NEK10: variants seen among roughly 807,000 people sequenced by gnomAD.
NEK10 encodes the protein serine/threonine-protein kinase Nek10.
In NEK10, 122 loss-of-function variants were observed where a neutral mutation model predicts 159.8. That is an observed-to-expected ratio of 0.76 (90% confidence interval 0.66 to 0.89). NEK10 has a LOEUF of 0.89. Ranked by LOEUF, NEK10 falls within the 40% of genes least tolerant of loss-of-function variation. NEK10 has a pLI of 0.00. For synonymous variants in NEK10, 466 were observed against 457.1 expected (o/e 1.02, Z -0.25); for missense variants, 1,342 against 1,323.1 (o/e 1.01, Z -0.22).
intron 23 of NEK10, chr3:27,215,765 T>A: frequency 1.4e-6 from 1 of 715,094 alleles, no homozygotes; most frequent in Non-Finnish European, 2.6e-6. Context: ...CATGATGGCA[T>A]TTGCTTCTTG....
chr3:27,109,191 C>T lies in NEK10; in HGVS notation c.*2081G>A, dbSNP rs960226487. ...GTCAGGAGTTTGAGACCAGCCTGGC[C>T]AACATGGTGTAACCCCATCTCTACT... On this transcript the variant is annotated 3_prime_UTR_variant, in exon 36 of 36. Coordinates refer to ENST00000691995, the MANE Select transcript of NEK10 (RefSeq NM_001394966.1). 1.4e-4 allele frequency among the ~76,000 whole-genome samples: 22 copies of T among 152,020 alleles called. No individual in the cohort carries two copies. Among genetic ancestry groups the T allele is most frequent in the Non-Finnish European group, 2.9e-4 (20 of 67,982 alleles).
chr3:27,302,095 T>A (rs1162451779), intron 12 of NEK10, among the ~76,000 whole-genome samples: 1 of 152,194 alleles, frequency 6.6e-6, no homozygotes, highest in Non-Finnish European at 1.5e-5. Context: ...TTTTGAATTT[T>A]CTATTTTCCT....
intron 6 of NEK10, among the ~76,000 whole-genome samples, chr3:27,321,542 A>G (rs479302): frequency 0.38 from 57,860 of 152,024 alleles, 13,494 homozygotes; most frequent in African/African-American, 0.67. Context: ...ACATGGTGGC[A>G]CGTGCCTGTA....
chr3:27,256,397 T>A (rs773026383), intron 22 of NEK10, 26 bp from the exon 23 acceptor site: 2 of 1,451,284 alleles, frequency 1.4e-6, no homozygotes, highest in African/African-American at 2.9e-5. Flanking sequence ...CAACGCAATA[T>A]GTTACTATAT....
At chr3:27,133,301 G>A (rs1183326406) in intron 31 of NEK10, among the ~76,000 whole-genome samples, 1 of 152,162 alleles carries the variant, frequency 6.6e-6, no homozygotes, top group East Asian at 1.9e-4. Flanking sequence ...TCAGACAGGA[G>A]GACATATAAA....
intron 5 of NEK10, 75 bp downstream of exon 5, chr3:27,344,197 A>T: frequency 1.4e-6 from 1 of 735,604 alleles, no homozygotes; most frequent in South Asian, 1.7e-5. Context: ...AGATGTTTCA[A>T]ATCATGTTCT....
chr3:27,114,634 T>G (rs1261546934), intron 35 of NEK10, among the ~76,000 whole-genome samples: 2 of 152,192 alleles, frequency 1.3e-5, no homozygotes, highest in Admixed American at 6.5e-5. Context: ...TAACAGGATG[T>G]TCTTGAGCCC....
intron 20 of NEK10, among the ~76,000 whole-genome samples, 195 bp from the exon 21 acceptor site, chr3:27,285,156 G>A (rs957985732): frequency 6.6e-6 from 1 of 152,100 alleles, no homozygotes; most frequent in Non-Finnish European, 1.5e-5. Context: ...GGAAACTGGG[G>A]CCCAGCCACA....
chr3:27,360,007 A>G (rs2048571198), intron 1 of NEK10, among the ~76,000 whole-genome samples: 1 of 152,238 alleles, frequency 6.6e-6, no homozygotes, highest in Admixed American at 6.5e-5. Flanking sequence ...GCTGGAAAAT[A>G]AACACACACA....
Position 27,107,773 on chromosome 3 carries a change from T to C in NEK10, c.*3499A>G, listed in dbSNP as rs948715131. 2.6e-5 allele frequency among the ~76,000 whole-genome samples: 4 copies of C among 152,110 alleles called. No individual in the cohort carries two copies. In the East Asian group the frequency reaches 7.7e-4, roughly 29 times the overall value. ...ATTTCAGTGCTCATGAAAACCATCA[T>C]AGAAAAAGTAAAAGGCAATGATGAA... On this transcript the variant is annotated 3_prime_UTR_variant, in exon 36 of 36. Transcript: ENST00000691995.
At position 27,308,093 on chromosome 3, in the gene NEK10, T is replaced by C. The variant is rs953151731; in HGVS notation, c.717-148A>G. The C allele has an allele frequency of 7.2e-6, 4 of 555,772 alleles. 1 individual carries two copies. Among genetic ancestry groups the C allele is most frequent in the Admixed American group, 7.4e-5 (2 of 26,940 alleles). 34.4% of individuals were successfully genotyped at this position (555,772 alleles called of 1,614,324 possible). On this transcript the variant is annotated intron_variant, in intron 10 of 35. Coordinates refer to ENST00000691995, the MANE Select transcript of NEK10 (RefSeq NM_001394966.1). The stretch of plus-strand genomic sequence containing the variant: ...TACTTGACTCACAGTTCAGCATGGC[T>C]AGGGAGGCCTCAGGAAACTTACAGT...
chr3:27,298,705 T>C (rs1193888841), intron 13 of NEK10, among the ~76,000 whole-genome samples: 1 of 152,182 alleles, frequency 6.6e-6, no homozygotes, highest in Admixed American at 6.5e-5. Context: ...GATAATGATA[T>C]GGACAATGAA....
chr3:27,280,242 T>C (rs1021082687), intron 22 of NEK10, among the ~76,000 whole-genome samples: 2 of 151,690 alleles, frequency 1.3e-5, no homozygotes, highest in Non-Finnish European at 2.9e-5. Flanking sequence ...AGGTAGAAGA[T>C]GGTGTCAGAC....
At chr3:27,280,950 CAT>C (rs376043957) in intron 22 of NEK10, among the ~76,000 whole-genome samples, 4 of 136,248 alleles carry the variant, frequency 2.9e-5, no homozygotes, top group Non-Finnish European at 3.1e-5. Context: ...TATGTATATG[CAT>C]ATATATATAT....
chr3:27,202,693 A>G, intron 23 of NEK10, 136 bp from the exon 24 acceptor site: 1 of 1,198,018 alleles, frequency 8.3e-7, no homozygotes, highest in South Asian at 2.1e-5. Context: ...AGGAAAGGAT[A>G]TCAAAAAGTC....
At chr3:27,290,311 T>C (rs1668161701) in intron 19 of NEK10, among the ~76,000 whole-genome samples, 1 of 152,198 alleles carries the variant, frequency 6.6e-6, no homozygotes, top group Admixed American at 6.5e-5. Context: ...CCAAATATCC[T>C]AAAATATAAG....
At chr3:27,292,126 G>C (rs1311346769) in intron 16 of NEK10, among the ~76,000 whole-genome samples, 7 of 152,140 alleles carry the variant, frequency 4.6e-5, no homozygotes, top group Non-Finnish European at 8.8e-5. Flanking sequence ...GAGATCTGCT[G>C]TACAACCTTG....
chr3:27,323,207 C>T lies in NEK10; in HGVS notation c.363-946G>A, dbSNP rs563495031. On this transcript the variant is annotated intron_variant, in intron 5 of 35. Coordinates refer to ENST00000691995, the MANE Select transcript of NEK10 (RefSeq NM_001394966.1). ...CATCAGCCAAAATCTCCCCTCAATC[C>T]GAACAGTGGGGCTCTGGAATGTAAG... Among the ~76,000 whole-genome samples the T allele has an allele frequency of 6.6e-5, 10 of 152,280 alleles. No homozygotes were observed. In the East Asian group the frequency reaches 1.4e-3, roughly 21 times the overall value.
intron 1 of NEK10, among the ~76,000 whole-genome samples, chr3:27,355,897 A>G (rs1419319657): frequency 6.6e-6 from 1 of 152,174 alleles, no homozygotes; most frequent in Non-Finnish European, 1.5e-5. Context: ...AACATGCCAA[A>G]TGCTATGGTT....
Sources: gnomAD v4.1 joint callset for allele counts (sites outside exome capture counted in the v4.1 genomes callset) on GRCh38, gnomAD v4.1.1 for gene constraint, MANE v1.5 for transcripts, NCBI Gene and HGNC (gene_info 2026-07-23, HGNC 2026-07-21) for gene names.